RGS7: variants seen among roughly 807,000 people sequenced by gnomAD.
RGS7 encodes regulator of G-protein signaling 7.
A neutral mutation model predicts 81.1 loss-of-function variants in RGS7; 27 were observed. The ratio of observed to expected loss-of-function variants is 0.33; its 90% CI spans 0.25 to 0.46. The LOEUF is 0.46. Among genes scored for constraint, RGS7 ranks in the 20% least tolerant of loss-of-function variants. The probability of loss-of-function intolerance (pLI) is 1.00; values close to 1 mark genes in which losing one functional copy is unlikely to be tolerated. For synonymous variants in RGS7, 208 were observed against 207.7 expected, an observed-to-expected ratio of 1.00 and a Z score of -0.01; for missense variants, 396 against 607.4, an observed-to-expected ratio of 0.65 and a Z score of 3.66.
chr1:240,835,398 C>A (rs964937069), intron 9 of RGS7, among the ~76,000 whole-genome samples: 3 of 152,208 alleles, frequency 2.0e-5, no homozygotes, highest in Admixed American at 2.0e-4. Flanking sequence ...GATACCACTA[C>A]ACACCTATTA....
chr1:241,345,429 T>C (rs189610466), intron 2 of RGS7, among the ~76,000 whole-genome samples: 122 of 152,294 alleles, frequency 8.0e-4, no homozygotes, highest in South Asian at 1.7e-3. Context: ...TACGACATGA[T>C]ACTGTATTGA....
intron 2 of RGS7, among the ~76,000 whole-genome samples, chr1:241,305,079 T>C (rs2080007946): frequency 6.6e-6 from 1 of 152,258 alleles, no homozygotes; most frequent in Non-Finnish European, 1.5e-5. Flanking sequence ...ACATGCTTCA[T>C]TTCTTTGAAG....
intron 9 of RGS7, among the ~76,000 whole-genome samples, chr1:240,839,497 G>A (rs1695261247): frequency 6.6e-6 from 1 of 152,114 alleles, no homozygotes; most frequent in Admixed American, 6.6e-5. Flanking sequence ...GATATATTTA[G>A]GAAAACTTAT....
chr1:240,816,177 C>T, intron 11 of RGS7, 140 bp downstream of exon 11: 1 of 693,142 alleles, frequency 1.4e-6, no homozygotes, highest in South Asian at 1.6e-5. Flanking sequence ...ATTTTATTAT[C>T]TTTTAACTGC....
chr1:241,215,628 G>A (rs1482107005), intron 2 of RGS7, among the ~76,000 whole-genome samples: 1 of 152,062 alleles, frequency 6.6e-6, no homozygotes, highest in African/African-American at 2.4e-5. Context: ...AGGCAAATAG[G>A]ACTTCAAAAA....
At chr1:241,222,821 C>T (rs1264597075) in intron 2 of RGS7, among the ~76,000 whole-genome samples, 1 of 150,990 alleles carries the variant, frequency 6.6e-6, no homozygotes, top group Non-Finnish European at 1.5e-5. Flanking sequence ...CCCAGCCCCC[C>T]ACCCCCTGAC....
chr1:240,972,720 A>G (rs1408175104), intron 4 of RGS7, among the ~76,000 whole-genome samples: 2 of 115,226 alleles, frequency 1.7e-5, no homozygotes, highest in Non-Finnish European at 3.8e-5. Flanking sequence ...ACAAAAAAAA[A>G]AACCCAAAAA....
At chr1:240,793,586 A>AATATATATATATATATATATATAT (rs777839011) in intron 18 of RGS7, among the ~76,000 whole-genome samples, 3 of 102,322 alleles carry the variant, frequency 2.9e-5, no homozygotes, top group East Asian at 2.5e-4. Context: ...GTGTAGTAGG[A>AATATATATATATATATATATATAT]ATATATATAT....
At chr1:240,990,017 A>G (rs1686233555) in intron 3 of RGS7, among the ~76,000 whole-genome samples, 3 of 152,118 alleles carry the variant, frequency 2.0e-5, no homozygotes, top group Admixed American at 2.0e-4. Context: ...CTGGGTTAAA[A>G]TCTCTGCCAC....
chr1:241,311,299 A>G (rs998024744), intron 2 of RGS7, among the ~76,000 whole-genome samples: 5 of 152,242 alleles, frequency 3.3e-5, no homozygotes, highest in African/African-American at 1.2e-4. Context: ...GCAACGCTCT[A>G]AAAATTTTAT....
chr1:241,316,632 C>T (rs1459338946), intron 2 of RGS7, among the ~76,000 whole-genome samples: 1 of 152,154 alleles, frequency 6.6e-6, no homozygotes, highest in East Asian at 1.9e-4. Context: ...GTGTATGATC[C>T]TTTTAATGAC....
chr1:241,052,770 T>C (rs1038584189), intron 3 of RGS7, among the ~76,000 whole-genome samples: 2 of 151,970 alleles, frequency 1.3e-5, no homozygotes, highest in African/African-American at 4.8e-5. Context: ...GAAATGATCT[T>C]AGAATTTTTC....
intron 3 of RGS7, chr1:240,998,729 G>A (rs1247396688): frequency 6.6e-6 from 6 of 909,314 alleles, no homozygotes; most frequent in South Asian, 2.6e-5. Context: ...TCTCCGTGAC[G>A]GTCACCTCAT....
intron 2 of RGS7, among the ~76,000 whole-genome samples, chr1:241,169,411 T>C (rs1456212173): frequency 1.4e-5 from 2 of 145,504 alleles, no homozygotes; most frequent in African/African-American, 5.2e-5. Context: ...TGGCGCGATC[T>C]TGGGTCACTG....
intron 6 of RGS7, among the ~76,000 whole-genome samples, chr1:240,888,752 G>A (rs1355746813): frequency 1.3e-5 from 2 of 151,946 alleles, no homozygotes; most frequent in South Asian, 2.1e-4. Context: ...ATGAGAGGAC[G>A]AGACTGAGTA....
At chr1:241,317,995 C>T (rs924279980) in intron 2 of RGS7, among the ~76,000 whole-genome samples, 2 of 152,104 alleles carry the variant, frequency 1.3e-5, no homozygotes, top group African/African-American at 2.4e-5. Context: ...ACAGGAAAAC[C>T]ATCTCCTGCC....
At chr1:241,297,108 C>T (rs1295689501) in intron 2 of RGS7, among the ~76,000 whole-genome samples, 1 of 152,118 alleles carries the variant, frequency 6.6e-6, no homozygotes, top group South Asian at 2.1e-4. Flanking sequence ...CATCCATTGC[C>T]TCATGTCTTT....
At chr1:240,982,976 T>C in intron 4 of RGS7, 103 bp downstream of exon 4, 1 of 669,090 alleles carries the variant, frequency 1.5e-6, no homozygotes, top group East Asian at 2.7e-5. Context: ...TTATAATTTT[T>C]CAGGAGGTTT....
chr1:241,349,365 C>A (rs1044327122), intron 2 of RGS7, among the ~76,000 whole-genome samples: 30 of 152,174 alleles, frequency 2.0e-4, no homozygotes, highest in African/African-American at 7.0e-4. Flanking sequence ...TTTTTAGGAA[C>A]CCAGCTAATT....
Sources: gnomAD v4.1 joint callset for allele counts (sites outside exome capture counted in the v4.1 genomes callset) on GRCh38, gnomAD v4.1.1 for gene constraint, MANE v1.5 for transcripts, NCBI Gene and HGNC (gene_info 2026-07-23, HGNC 2026-07-21) for gene names.